Variants in DNAH11 observed in about 807,000 individuals in gnomAD.
The protein encoded by DNAH11 is axonemal beta dynein heavy chain 11.
DNAH11 carries 442 observed loss-of-function variants against 526.0 expected under a neutral mutation model. The ratio of observed to expected loss-of-function variants is 0.84; its 90% confidence interval spans 0.78 to 0.91. The LOEUF (loss-of-function observed/expected upper bound fraction) is 0.91, where lower values mean the gene tolerates loss of function less well. Ranked by LOEUF, DNAH11 falls within the 40% of genes least tolerant of loss-of-function variation. The probability of loss-of-function intolerance (pLI) is 0.00; values close to 1 mark genes in which losing one functional copy is unlikely to be tolerated. For missense variants in DNAH11, 6,989 were observed against 5,448.7 expected, an observed-to-expected ratio of 1.28 and a Z score of -8.90; for synonymous variants, 2,461 against 1,935.9, an observed-to-expected ratio of 1.27 and a Z score of -7.12.
At chr7:21,794,313 A>C (rs1326554071) in intron 61 of DNAH11, among the ~76,000 whole-genome samples, 1 of 152,116 alleles carries the variant, frequency 6.6e-6, no homozygotes, top group Non-Finnish European at 1.5e-5. Flanking sequence ...TCTTGTGGAT[A>C]TACTTCTATG....
chr7:21,813,522 A>G (rs1789624815), intron 63 of DNAH11, among the ~76,000 whole-genome samples: 1 of 152,204 alleles, frequency 6.6e-6, no homozygotes, highest in Admixed American at 6.5e-5. Flanking sequence ...ATTAGGAGAA[A>G]CTGGCAGTAT....
At chr7:21,850,157 C>G (rs145269355) in intron 66 of DNAH11, among the ~76,000 whole-genome samples, 3,028 of 151,286 alleles carry the variant, frequency 0.02, 115 homozygotes, top group African/African-American at 0.069. Context: ...GAGATTGAGA[C>G]CATCCTGGCT....
Position 21,892,451 on chromosome 7 carries a change from A to G in DNAH11, c.12534A>G (p.Pro4178=), listed in dbSNP as rs752183095. 6.9e-5 allele frequency: 111 copies of G among 1,611,874 alleles called. No homozygotes were observed. The highest frequency in any genetic ancestry group is 5.3e-4 in the Admixed American group (32 of 59,900). ...CTGAAGATGAACTGATGCTGGCACC[A>G]GGTTTTGCTGCCCCACCCTACCTAG... The part of the protein sequence containing the change: ...SLTEDELMLA[P]GFAAPPYLDY... The change falls in exon 77 of 82, where the codon CCA becomes CCG. Residue 4178 remains proline, a synonymous_variant. Coordinates refer to ENST00000409508, the MANE Select transcript of DNAH11 (RefSeq NM_001277115.2).
intron 17 of DNAH11, 34 bp downstream of exon 17, chr7:21,601,213 T>G (rs2128447133): frequency 6.4e-7 from 1 of 1,566,112 alleles, no homozygotes. Flanking sequence ...GAATTATAAC[T>G]TTCTAAACTG....
In DNAH11 at chr7:21,635,859, C is replaced by T. The variant is rs775488038; in HGVS notation, c.4501-12C>T. The T allele has an allele frequency of 1.9e-6, 3 of 1,592,934 alleles. No homozygotes were observed. Among genetic ancestry groups the T allele is most frequent in the Non-Finnish European group, 2.6e-6 (3 of 1,168,402 alleles). On this transcript the variant is annotated splice_polypyrimidine_tract_variant and intron_variant, in intron 25 of 81. Transcript: ENST00000409508. ...TTTAGCTACTATTTAAAATTCTTTG[C>T]CTTTATTTTAGGTTCAGTTGCAGAC... is the stretch of plus-strand genomic sequence containing the variant.
At chr7:21,806,620 T>C (rs530011343) in intron 62 of DNAH11, among the ~76,000 whole-genome samples, 1 of 152,328 alleles carries the variant, frequency 6.6e-6, no homozygotes, top group Admixed American at 6.5e-5. Context: ...GTCAATCTAC[T>C]TTCATGGGGA....
At chr7:21,751,052 A>C (rs963809547) in intron 54 of DNAH11, among the ~76,000 whole-genome samples, 1 of 152,072 alleles carries the variant, frequency 6.6e-6, no homozygotes, top group Non-Finnish European at 1.5e-5. Context: ...GGCCGGGTGC[A>C]GTGGCTCACA....
intron 28 of DNAH11, among the ~76,000 whole-genome samples, chr7:21,645,609 A>G (rs73074141): frequency 0.045 from 6,868 of 152,158 alleles, 216 homozygotes; most frequent in East Asian, 0.14. Flanking sequence ...GAATCAAACA[A>G]TAATAACAAA....
At chr7:21,717,437 G>T (rs1027508054) in intron 42 of DNAH11, among the ~76,000 whole-genome samples, 3 of 152,004 alleles carry the variant, frequency 2.0e-5, no homozygotes, top group Non-Finnish European at 4.4e-5. Context: ...TCATAAATAA[G>T]GCCTACACTA....
At chr7:21,562,301 G>A (rs1330871444) in intron 5 of DNAH11, among the ~76,000 whole-genome samples, 2 of 152,160 alleles carry the variant, frequency 1.3e-5, no homozygotes, top group Non-Finnish European at 2.9e-5. Flanking sequence ...CTGTTGTGAT[G>A]ATCATAAATG....
At chr7:21,794,703 A>C (rs1009855619) in intron 61 of DNAH11, among the ~76,000 whole-genome samples, 1 of 150,880 alleles carries the variant, frequency 6.6e-6, no homozygotes, top group Non-Finnish European at 1.5e-5. Context: ...CATGGGCTGG[A>C]GTTGCTAGTC....
chr7:21,822,952 ATTTGC>A (rs1790116088), intron 65 of DNAH11, among the ~76,000 whole-genome samples: 2 of 46,574 alleles, frequency 4.3e-5, no homozygotes, highest in Non-Finnish European at 8.4e-5. Flanking sequence ...AAATCAGATT[ATTTGC>A]TTTTTTTTTT....
chr7:21,562,403 G>C (rs189992527), intron 5 of DNAH11, among the ~76,000 whole-genome samples: 1 of 152,128 alleles, frequency 6.6e-6, no homozygotes, highest in Non-Finnish European at 1.5e-5. Flanking sequence ...ACTATGCAAG[G>C]TACTAGACAT....
Position 21,598,777 on chromosome 7 carries a change from C to G in DNAH11, c.2668-1010C>G, listed in dbSNP as rs1487289995. ...CTTTAGATCCCAGTGTGTGTTGTGCCCCTCTATGTGTCCATGTGTTCTCAT... is the reference window on the plus strand; with the variant it reads ...CTTTAGATCCCAGTGTGTGTTGTGCGCCTCTATGTGTCCATGTGTTCTCAT... On this transcript the variant is annotated intron_variant, in intron 14 of 81. Coordinates refer to ENST00000409508, the MANE Select transcript of DNAH11 (RefSeq NM_001277115.2). 4.6e-5 allele frequency among the ~76,000 whole-genome samples: 7 copies of G among 152,136 alleles called. No homozygotes were observed. In the South Asian group the frequency reaches 1.5e-3, roughly 32 times the overall value.
chr7:21,782,062 G>A lies in DNAH11; in HGVS notation c.9484-2365G>A, dbSNP rs147832404. On this transcript the variant is annotated intron_variant, in intron 57 of 81. Coordinates refer to ENST00000409508, the MANE Select transcript of DNAH11 (RefSeq NM_001277115.2). ...CTGTCTCCAGATACAGTCACATGGT[G>A]AGCTTGGGTCTTCAAAATATGAATT... 3.4e-3 allele frequency among the ~76,000 whole-genome samples: 519 copies of A among 152,306 alleles called. 9 individuals carry two copies. The highest frequency in any genetic ancestry group is 0.028 in the East Asian group (145 of 5,176).
chr7:21,550,364 T>C (rs1782974740), intron 2 of DNAH11, among the ~76,000 whole-genome samples: 1 of 152,168 alleles, frequency 6.6e-6, no homozygotes, highest in African/African-American at 2.4e-5. Flanking sequence ...CCTTTTAACC[T>C]AAGGGATGAC....
At chr7:21,887,031 G>A (rs968177594) in intron 76 of DNAH11, among the ~76,000 whole-genome samples, 1 of 152,188 alleles carries the variant, frequency 6.6e-6, no homozygotes, top group African/African-American at 2.4e-5. Context: ...TATATGATTA[G>A]CAACATGATC....
rs72658827 is a variant in DNAH11, at chr7:21,899,347, T to A, written c.13061T>A (p.Leu4354His). The A allele has an allele frequency of 6.2e-7, 1 of 1,613,928 alleles. No individual in the cohort carries two copies. Among genetic ancestry groups the A allele is most frequent in the Non-Finnish European group, 8.5e-7 (1 of 1,179,856 alleles). ...CTCCCATAAACCAGGTTCAATGACC[T>A]CCTCCTGCGATGCCGAGAACTCGAT... is the stretch of plus-strand genomic sequence containing the variant. The part of the protein sequence containing the change: ...TYGLAQWFND[L>H]LLRCRELDTW... Residue 4354 changes from leucine to histidine, a missense_variant, in exon 80 of 82, where the codon CTC becomes CAC. By Grantham distance (99) the Leu-to-His change is moderately conservative. Transcript: ENST00000409508.
At chr7:21,661,675 T>G (rs1457299076) in intron 30 of DNAH11, among the ~76,000 whole-genome samples, 1 of 152,102 alleles carries the variant, frequency 6.6e-6, no homozygotes, top group Non-Finnish European at 1.5e-5. Flanking sequence ...GACTCAAATC[T>G]CAGCTTCTAC....
Sources: allele counts gnomAD v4.1 joint callset (sites outside exome capture counted in the v4.1 genomes callset), GRCh38; gene constraint gnomAD v4.1.1; transcripts MANE v1.5; gene names NCBI Gene and HGNC (gene_info 2026-07-23, HGNC 2026-07-21).